CSNK2A2IP: variants seen among roughly 807,000 people sequenced by gnomAD.
CSNK2A2IP encodes the protein casein kinase 2 subunit alpha' interacting protein, also known as casein kinase II subunit alpha'-interacting protein.
the CSNK2A2IP span, among the ~76,000 whole-genome samples, chr3:88,367,139 T>C: frequency 1.3e-3 from 192 of 152,182 alleles, 2 homozygotes; most frequent in African/African-American, 4.3e-3. Flanking sequence ...ATATTGTAAG[T>C]TTAAATTTTA....
the CSNK2A2IP span, among the ~76,000 whole-genome samples, chr3:88,424,008 C>T: frequency 2.0e-5 from 3 of 152,140 alleles, no homozygotes; most frequent in African/African-American, 7.2e-5. Context: ...CTGTCACCAT[C>T]TTGATGGTTC....
chr3:88,354,481 T>C, the CSNK2A2IP span, among the ~76,000 whole-genome samples: 38 of 152,298 alleles, frequency 2.5e-4, no homozygotes, highest in East Asian at 6.8e-3. Context: ...AGAAGCTGTG[T>C]AGTTAATAAA....
At chr3:88,408,892 T>G in the CSNK2A2IP span, among the ~76,000 whole-genome samples, 2 of 151,956 alleles carry the variant, frequency 1.3e-5, no homozygotes, top group South Asian at 4.1e-4. Flanking sequence ...TACACACATT[T>G]ATCATAACTT....
the CSNK2A2IP span, chr3:88,343,148 GCA>G: frequency 2.6e-5 from 4 of 151,994 alleles, no homozygotes; most frequent in African/African-American, 9.7e-5. Context: ...CCTTCATCTT[GCA>G]GAAATGGCCC....
At chr3:88,413,952 G>T in the CSNK2A2IP span, among the ~76,000 whole-genome samples, 1 of 151,394 alleles carries the variant, frequency 6.6e-6, no homozygotes, top group East Asian at 1.9e-4. Context: ...AACATGAGTA[G>T]GTTATCAAGA....
At chr3:88,381,021 T>A in the CSNK2A2IP span, among the ~76,000 whole-genome samples, 2 of 152,186 alleles carry the variant, frequency 1.3e-5, no homozygotes, top group Non-Finnish European at 2.9e-5. Context: ...AAATGGGTTC[T>A]CCATGAAAGA....
the CSNK2A2IP span, among the ~76,000 whole-genome samples, chr3:88,459,437 C>T: frequency 6.6e-6 from 1 of 151,942 alleles, no homozygotes; most frequent in Non-Finnish European, 1.5e-5. Flanking sequence ...ATTATTGATT[C>T]TATTAAGTTT....
the CSNK2A2IP span, among the ~76,000 whole-genome samples, chr3:88,374,428 C>T: frequency 6.6e-6 from 1 of 151,498 alleles, no homozygotes; most frequent in African/African-American, 2.4e-5. Flanking sequence ...CATCAACATA[C>T]AAACAAATTT....
At chr3:88,385,422 G>C in the CSNK2A2IP span, among the ~76,000 whole-genome samples, 1 of 152,128 alleles carries the variant, frequency 6.6e-6, no homozygotes, top group Non-Finnish European at 1.5e-5. Context: ...AAGTTATGCT[G>C]GGCAGGTGGA....
chr3:88,360,290 C>T, the CSNK2A2IP span, among the ~76,000 whole-genome samples: 261 of 151,632 alleles, frequency 1.7e-3, 3 homozygotes, highest in African/African-American at 6.1e-3. Flanking sequence ...CCCACCACAA[C>T]GCCCGGCTAT....
chr3:88,457,429 C>T, the CSNK2A2IP span, among the ~76,000 whole-genome samples: 3 of 152,024 alleles, frequency 2.0e-5, no homozygotes, highest in African/African-American at 7.2e-5. Flanking sequence ...GGTATGGTGG[C>T]TCACCCCTGT....
chr3:88,429,806 G>A, the CSNK2A2IP span, among the ~76,000 whole-genome samples: 386 of 152,212 alleles, frequency 2.5e-3, 3 homozygotes, highest in African/African-American at 9.0e-3. Context: ...AGGCTGGAGG[G>A]CAGTGCCCTG....
chr3:88,391,818 A>G, the CSNK2A2IP span, among the ~76,000 whole-genome samples: 790 of 152,322 alleles, frequency 5.2e-3, 8 homozygotes, highest in African/African-American at 0.018. Context: ...GTTGGAGATC[A>G]TAGCTTGGGA....
chr3:88,374,187 GAATTA>G, the CSNK2A2IP span, among the ~76,000 whole-genome samples: 1 of 151,736 alleles, frequency 6.6e-6, no homozygotes, highest in East Asian at 1.9e-4. Flanking sequence ...AGTTGATGGT[GAATTA>G]AATTAAGGTT....
chr3:88,391,891 T>C, the CSNK2A2IP span, among the ~76,000 whole-genome samples: 1 of 152,144 alleles, frequency 6.6e-6, no homozygotes, highest in Non-Finnish European at 1.5e-5. Context: ...GAAAGATGAC[T>C]CTGAAATTAG....
the CSNK2A2IP span, among the ~76,000 whole-genome samples, chr3:88,459,056 G>T: frequency 5.6e-4 from 85 of 152,002 alleles, 2 homozygotes; most frequent in Non-Finnish European, 3.5e-4. Context: ...ATTTATTAAT[G>T]AAAAAGAGTT....
At chr3:88,388,447 C>T in the CSNK2A2IP span, among the ~76,000 whole-genome samples, 1 of 152,150 alleles carries the variant, frequency 6.6e-6, no homozygotes, top group African/African-American at 2.4e-5. Context: ...CAAAATGTTA[C>T]AGTCTTTGGT....
At chr3:88,467,030 A>T in the CSNK2A2IP span, 1 of 1,129,418 alleles carries the variant, frequency 8.9e-7, no homozygotes, top group African/African-American at 1.6e-5. Context: ...AAGATACAGC[A>T]GTTTTTCCCC....
At chr3:88,446,013 TTTTC>T in the CSNK2A2IP span, among the ~76,000 whole-genome samples, 21 of 145,078 alleles carry the variant, frequency 1.4e-4, 1 homozygote, top group South Asian at 6.5e-4. Flanking sequence ...CCTTTCTTTC[TTTTC>T]TTTCTTTGTT....
Sources: gnomAD v4.1 joint callset for allele counts (sites outside exome capture counted in the v4.1 genomes callset) on GRCh38, gnomAD v4.1.1 for gene constraint, MANE v1.5 for transcripts, NCBI Gene and HGNC (gene_info 2026-07-23, HGNC 2026-07-21) for gene names.